The following CYTH3 variants were observed in gnomAD, a reference collection of about 807,000 sequenced individuals.
The protein encoded by CYTH3 is cytohesin-3.
CYTH3 carries 23 observed loss-of-function variants against 55.1 expected under a neutral mutation model. The observed-to-expected ratio is 0.42, with a 90% CI of 0.30 to 0.59. CYTH3 has a LOEUF of 0.59. Ranked by LOEUF, CYTH3 falls within the 20% of genes least tolerant of loss-of-function variation. The probability of loss-of-function intolerance (pLI) is 0.20; values close to 1 mark genes in which losing one functional copy is unlikely to be tolerated. For synonymous variants in CYTH3, 249 were observed against 194.9 expected (o/e 1.28, Z -2.31); for missense variants, 413 against 524.8 (o/e 0.79, Z 2.08).
intron 1 of CYTH3, among the ~76,000 whole-genome samples, chr7:6,247,146 G>T (rs1220726634): frequency 6.6e-6 from 1 of 152,250 alleles, no homozygotes; most frequent in African/African-American, 2.4e-5. Context: ...TATCTTCAGA[G>T]AACATCTTTC....
intron 1 of CYTH3, among the ~76,000 whole-genome samples, chr7:6,251,050 G>A (rs369890230): frequency 1.7e-4 from 26 of 152,296 alleles, no homozygotes; most frequent in Admixed American, 7.2e-4. Flanking sequence ...AGGCCAAGGC[G>A]GGTGGACTGA....
At chr7:6,196,448 CTTT>C (rs937497224) in intron 1 of CYTH3, among the ~76,000 whole-genome samples, 2 of 135,256 alleles carry the variant, frequency 1.5e-5, no homozygotes, top group Non-Finnish European at 3.1e-5. Flanking sequence ...CATCTTTTTT[CTTT>C]TTTTCTTTTT....
intron 1 of CYTH3, among the ~76,000 whole-genome samples, chr7:6,235,583 T>C (rs991773271): frequency 1.3e-5 from 2 of 152,118 alleles, no homozygotes; most frequent in Non-Finnish European, 2.9e-5. Context: ...CCCTAGGTCC[T>C]GCCTAACTCC....
chr7:6,211,563 G>T (rs1784319646), intron 1 of CYTH3, among the ~76,000 whole-genome samples: 2 of 152,344 alleles, frequency 1.3e-5, no homozygotes, highest in South Asian at 4.1e-4. Context: ...GAGGCAGAAG[G>T]ATCATCTGAG....
intron 1 of CYTH3, among the ~76,000 whole-genome samples, chr7:6,263,577 C>T (rs1426906055): frequency 3.9e-5 from 6 of 152,080 alleles, no homozygotes; most frequent in Non-Finnish European, 8.8e-5. Context: ...AGGCGGATCA[C>T]TTGAGGTCAG....
chr7:6,184,893 TA>T (rs1233183708), intron 4 of CYTH3, among the ~76,000 whole-genome samples: 2 of 152,186 alleles, frequency 1.3e-5, no homozygotes, highest in Admixed American at 1.3e-4. Flanking sequence ...AGCATCCCTT[TA>T]AAAAATAAGT....
rs1026239539 is a variant in CYTH3, at chr7:6,162,899, G to C, written c.*2045C>G. Reference sequence around the variant, plus strand: ...GACAGAGCTGGCTGTGGCCAGTCTTGGGTGCCGGGCCAGCCTGAGGGGTGG... The same window carrying C: ...GACAGAGCTGGCTGTGGCCAGTCTTCGGTGCCGGGCCAGCCTGAGGGGTGG... On this transcript the variant is annotated 3_prime_UTR_variant, in exon 13 of 13. Coordinates refer to ENST00000350796, the MANE Select transcript of CYTH3 (RefSeq NM_004227.4). 6.5e-6 allele frequency: 1 copy of C among 152,696 alleles called. No homozygotes were observed. The highest frequency in any genetic ancestry group is 2.4e-5 in the African/African-American group (1 of 41,468). 9.5% of individuals were successfully genotyped at this position (152,696 alleles called of 1,614,324 possible). A position where few individuals can be genotyped will look rare whatever the true frequency, so the allele number is the denominator to read the frequency against.
At chr7:6,202,749 G>A (rs369325528) in intron 1 of CYTH3, among the ~76,000 whole-genome samples, 1 of 152,286 alleles carries the variant, frequency 6.6e-6, no homozygotes. Context: ...GTGAGCCACC[G>A]TGCCCAGCCA....
chr7:6,170,968 G>A lies in CYTH3; in HGVS notation c.573C>T (p.Tyr191=). Residue 191 remains tyrosine, a synonymous_variant, in exon 8 of 13, where the codon TAC becomes TAT. Transcript: ENST00000350796. This position sits in a 1 kb window ranked among gnomAD's most constrained non-coding sequence, Gnocchi z 7.8. ...PGVFQSTDTC[Y]VLSFAIIMLN... is the part of the protein sequence containing the mutation. ...GCATGATGATGGCGAATGACAGCAC[G>A]TAGCACGTGTCTGCAACGAGTCCGG... is the stretch of plus-strand genomic sequence containing the variant. The A allele has an allele frequency of 6.2e-7, 1 of 1,613,864 alleles. No individual in the cohort carries two copies. Among genetic ancestry groups the A allele is most frequent in the Non-Finnish European group, 8.5e-7 (1 of 1,179,912 alleles).
rs766331224 is a variant in CYTH3, at chr7:6,165,557, G to A, written c.960C>T (p.Asp320=). 6.2e-6 allele frequency: 10 copies of A among 1,613,906 alleles called. No homozygotes were observed. The South Asian group carries it at 6.6e-5, about 11-fold the overall frequency. ...AGGAAGAGCTTACGGGTTTCCGGGG[G>A]TCCTCCACCTCCCTGATGCTGAGGT... The part of the protein sequence containing the change: ...LENLSIREVE[D]PRKPNCFELY... The change falls in exon 11 of 13, where the codon GAC becomes GAT. Residue 320 remains aspartate, a synonymous_variant. Transcript: ENST00000350796.
At chr7:6,173,770 C>G (rs1201439214) in intron 5 of CYTH3, 37 bp from the exon 6 acceptor site, 1 of 1,200,584 alleles carries the variant, frequency 8.3e-7, no homozygotes, top group African/African-American at 1.5e-5. Flanking sequence ...ACCTAATGTA[C>G]ATTATCGCAA....
intron 1 of CYTH3, among the ~76,000 whole-genome samples, chr7:6,216,376 T>C (rs1409685558): frequency 6.6e-6 from 1 of 152,052 alleles, no homozygotes; most frequent in Non-Finnish European, 1.5e-5. Flanking sequence ...TATACATACA[T>C]ATATACATAT....
intron 4 of CYTH3, among the ~76,000 whole-genome samples, chr7:6,179,675 ACCACACACACCCCCCCACACACACACC>A (rs1256459750): frequency 2.7e-3 from 152 of 55,376 alleles, no homozygotes; most frequent in Non-Finnish European, 4.0e-3. Context: ...CCACACACAC[ACCACACACACCCCCCCACACACACACC>A]CCACACACAC....
intron 1 of CYTH3, among the ~76,000 whole-genome samples, chr7:6,262,705 T>G (rs547245994): frequency 6.6e-6 from 1 of 152,270 alleles, no homozygotes; most frequent in Admixed American, 6.5e-5. Context: ...AATTAAAAAC[T>G]GCAATAAATT....
At chr7:6,235,800 G>A (rs139572157) in intron 1 of CYTH3, among the ~76,000 whole-genome samples, 1 of 151,262 alleles carries the variant, frequency 6.6e-6, no homozygotes, top group Non-Finnish European at 1.5e-5. Flanking sequence ...CAAATGTGGA[G>A]TTTTCTATTC....
chr7:6,226,826 A>C (rs569124792), intron 1 of CYTH3, among the ~76,000 whole-genome samples: 2 of 152,272 alleles, frequency 1.3e-5, no homozygotes, highest in East Asian at 3.9e-4. Flanking sequence ...CATGCCTGTA[A>C]TCCTAGCACT....
chr7:6,250,787 C>G (rs952643210), intron 1 of CYTH3, among the ~76,000 whole-genome samples: 6 of 152,112 alleles, frequency 3.9e-5, no homozygotes, highest in Non-Finnish European at 8.8e-5. Context: ...ATACTAAAAG[C>G]CATTCAATTG....
chr7:6,248,119 C>A (rs1437755093), intron 1 of CYTH3, among the ~76,000 whole-genome samples: 1 of 151,810 alleles, frequency 6.6e-6, no homozygotes, highest in Non-Finnish European at 1.5e-5. Context: ...TTACTATTTT[C>A]TAAATTATAC....
intron 4 of CYTH3, 79 bp downstream of exon 4, chr7:6,186,971 C>T (rs891734211): frequency 1.4e-6 from 2 of 1,449,690 alleles, no homozygotes; most frequent in Non-Finnish European, 9.7e-7. Context: ...CACCTCTGAC[C>T]TCTGTCCAAA....
Sources: gnomAD v4.1 joint callset for allele counts (sites outside exome capture counted in the v4.1 genomes callset) on GRCh38, gnomAD v4.1.1 for gene constraint, Gnocchi (gnomAD v3.1) non-coding constraint, MANE v1.5 for transcripts, NCBI Gene and HGNC (gene_info 2026-07-23, HGNC 2026-07-21) for gene names.